The following LIFR variants were observed in gnomAD, a reference collection of about 807,000 sequenced individuals.
LIFR encodes the protein LIF receptor subunit alpha.
In LIFR, 84 loss-of-function variants were observed where a neutral mutation model predicts 122.2. The observed-to-expected ratio is 0.69, with a 90% CI of 0.58 to 0.82. The LOEUF (loss-of-function observed/expected upper bound fraction) is 0.82, where lower values mean the gene tolerates loss of function less well. LIFR is among the 40% of genes least tolerant of loss of function. The probability of loss-of-function intolerance (pLI) is 0.00; values close to 1 mark genes in which losing one functional copy is unlikely to be tolerated. For synonymous variants in LIFR, 422 were observed against 434.7 expected, an observed-to-expected ratio of 0.97 and a Z score of 0.36; for missense variants, 1,294 against 1,311.6, an observed-to-expected ratio of 0.99 and a Z score of 0.21.
At chr5:38,510,427 GT>G (rs770500866) in intron 7 of LIFR, 36 bp downstream of exon 7, 36 of 1,601,372 alleles carry the variant, frequency 2.2e-5, no homozygotes, top group Non-Finnish European at 3.0e-5. Context: ...ACCAAAACAG[GT>G]TAATAGGAAT....
chr5:38,485,732 CG>C, intron 17 of LIFR, 86 bp downstream of exon 17: 1 of 1,441,440 alleles, frequency 6.9e-7, no homozygotes, highest in Non-Finnish European at 9.8e-7. Context: ...TTAGAAAGGG[CG>C]GGGAGGGGTT....
intron 3 of LIFR, among the ~76,000 whole-genome samples, chr5:38,528,029 T>G (rs1328435346): frequency 6.6e-6 from 1 of 152,206 alleles, no homozygotes; most frequent in African/African-American, 2.4e-5. Context: ...CATCTCCTTC[T>G]AAACCTCTCA....
rs1479527676 is a variant in LIFR, at chr5:38,479,334, G to A, written c.*2261C>T. The A allele has an allele frequency of 8.7e-6, 2 of 231,048 alleles. No individual in the cohort carries two copies. Among genetic ancestry groups the A allele is most frequent in the Non-Finnish European group, 1.7e-5 (2 of 116,844 alleles). 14.3% of individuals were successfully genotyped at this position (231,048 alleles called of 1,614,324 possible). A position where few individuals can be genotyped will look rare whatever the true frequency, so the allele number is the denominator to read the frequency against. On this transcript the variant is annotated 3_prime_UTR_variant, in exon 20 of 20. Transcript: ENST00000453190. Reference sequence around the variant, plus strand: ...TGATCCTCGTGTAGGGGATCCAAAAGTAGGGGAAAGGTGAGTGATATTCTG... The same window carrying A: ...TGATCCTCGTGTAGGGGATCCAAAAATAGGGGAAAGGTGAGTGATATTCTG...
chr5:38,481,754 A>G lies in LIFR; in HGVS notation c.3135T>C (p.Pro1045=), dbSNP rs756805690. ...NTWNLVSPDS[P]RSIDSNSEIV... Reference sequence around the variant, plus strand: ...TCTCACTGTTGCTGTCTATGGATCTAGGAGAGTCTGGAGACACTAAATTCC... The same window carrying G: ...TCTCACTGTTGCTGTCTATGGATCTGGGAGAGTCTGGAGACACTAAATTCC... Residue 1045 remains proline (P), a synonymous_variant, in exon 20 of 20, where the codon CCT becomes CCC. Coordinates refer to ENST00000453190, the MANE Select transcript of LIFR (RefSeq NM_001127671.2). 1.2e-6 allele frequency: 2 copies of G among 1,614,140 alleles called. No homozygotes were observed. Among genetic ancestry groups the G allele is most frequent in the East Asian group, 2.2e-5 (1 of 44,882 alleles).
intron 1 of LIFR, among the ~76,000 whole-genome samples, chr5:38,586,405 C>CATA (rs1195399925): frequency 6.6e-6 from 1 of 152,206 alleles, no homozygotes; most frequent in Non-Finnish European, 1.5e-5. Context: ...AAGTCTGTTA[C>CATA]ACCAAGCTGT....
chr5:38,492,435 T>C (rs1404968828), intron 14 of LIFR, among the ~76,000 whole-genome samples: 3 of 152,102 alleles, frequency 2.0e-5, no homozygotes, highest in Non-Finnish European at 4.4e-5. Flanking sequence ...TGGAATCGTG[T>C]AAGGCTCATT....
In LIFR at chr5:38,549,530, C is replaced by T. The variant is rs548848195; in HGVS notation, c.-20+6804G>A. 5.9e-5 allele frequency among the ~76,000 whole-genome samples: 9 copies of T among 152,298 alleles called. No individual in the cohort carries two copies. In the East Asian group the frequency reaches 1.4e-3, roughly 23 times the overall value. On this transcript the variant is annotated intron_variant, in intron 1 of 19. Coordinates refer to ENST00000453190, the MANE Select transcript of LIFR (RefSeq NM_001127671.2). Reference sequence around the variant, plus strand: ...CTTACAGGCTGGTTACAGTGGCTAACGCCTGTAATCCCAGCACTTTGGGAG... The same window carrying T: ...CTTACAGGCTGGTTACAGTGGCTAATGCCTGTAATCCCAGCACTTTGGGAG...
chr5:38,535,091 A>G (rs1488944334), intron 1 of LIFR, among the ~76,000 whole-genome samples: 1 of 152,196 alleles, frequency 6.6e-6, no homozygotes, highest in African/African-American at 2.4e-5. Context: ...TACAAAACAA[A>G]AAAGAACAAG....
upstream of LIFR, chr5:38,556,725 C>A (rs1390214880): frequency 1.1e-4 from 15 of 142,810 alleles, no homozygotes; most frequent in African/African-American, 2.5e-4. Context: ...CCCGCCCCTG[C>A]CCCCGGCCCC....
At chr5:38,526,204 A>G (rs1050475350) in intron 4 of LIFR, among the ~76,000 whole-genome samples, 9 of 152,060 alleles carry the variant, frequency 5.9e-5, no homozygotes, top group Admixed American at 5.9e-4. Context: ...AATCTTTTTT[A>G]TTTTCTTCTA....
intron 16 of LIFR, among the ~76,000 whole-genome samples, chr5:38,488,805 C>CT (rs1580008449): frequency 1.3e-5 from 2 of 152,100 alleles, no homozygotes; most frequent in East Asian, 3.8e-4. Flanking sequence ...ATGTACAGCT[C>CT]TAATAAGAGA....
At chr5:38,545,871 G>GAAAAAAAAAAAA (rs371497950) in intron 1 of LIFR, among the ~76,000 whole-genome samples, 1 of 87,746 alleles carries the variant, frequency 1.1e-5, no homozygotes, top group African/African-American at 4.1e-5. Context: ...CAAAAAAAAA[G>GAAAAAAAAAAAA]AAAAAAAAAA....
chr5:38,554,299 A>C (rs1748398203), intron 1 of LIFR, among the ~76,000 whole-genome samples: 2 of 152,134 alleles, frequency 1.3e-5, no homozygotes, highest in African/African-American at 4.8e-5. Context: ...ATTACTGTGA[A>C]GTTATATAGA....
intron 1 of LIFR, among the ~76,000 whole-genome samples, chr5:38,564,956 G>A (rs1385550850): frequency 1.3e-5 from 2 of 151,822 alleles, no homozygotes; most frequent in Non-Finnish European, 2.9e-5. Flanking sequence ...TGTATTTTTA[G>A]TAGAGACAGG....
In LIFR at chr5:38,482,079, G is replaced by C; in HGVS notation, c.2810C>G (p.Ser937Cys). ...CACATGGTTTTCAGGCTCTGCATCAGAGCGATCTTCAGGACGCTCAGCTAC... is the reference window on the plus strand; with the variant it reads ...CACATGGTTTTCAGGCTCTGCATCACAGCGATCTTCAGGACGCTCAGCTAC... ...SPVAERPEDR[S>C]DAEPENHVVV... Residue 937 changes from serine to cysteine, a missense_variant, in exon 20 of 20, where the codon TCT becomes TGT. Transcript: ENST00000453190. The C allele has an allele frequency of 2.5e-6, 4 of 1,602,734 alleles. No homozygotes were observed. The highest frequency in any genetic ancestry group is 2.6e-6 in the Non-Finnish European group (3 of 1,174,718).
chr5:38,594,846 C>T (rs1271215957), intron 1 of LIFR: 1 of 195,864 alleles, frequency 5.1e-6, no homozygotes, highest in Non-Finnish European at 1.1e-5. Context: ...TAGGTTTCCA[C>T]AGAGCAGCTT....
chr5:38,483,487 T>TGGTG (rs1269910809), intron 18 of LIFR, among the ~76,000 whole-genome samples: 3 of 152,114 alleles, frequency 2.0e-5, no homozygotes, highest in African/African-American at 7.2e-5. Context: ...AGTGGTGCAA[T>TGGTG]CTTGACTCAC....
At chr5:38,508,129 CAG>C (rs1352591863) in intron 7 of LIFR, among the ~76,000 whole-genome samples, 47 of 151,934 alleles carry the variant, frequency 3.1e-4, no homozygotes, top group Non-Finnish European at 1.5e-4. Flanking sequence ...GAAGGACAGA[CAG>C]AAGGGGAAAA....
chr5:38,509,957 T>TA (rs1476426432), intron 7 of LIFR, among the ~76,000 whole-genome samples: 5 of 151,950 alleles, frequency 3.3e-5, no homozygotes, highest in African/African-American at 4.8e-5. Flanking sequence ...AGTGGGAGAG[T>TA]ATGTTTCCCC....
Sources: gnomAD v4.1 joint callset for allele counts (sites outside exome capture counted in the v4.1 genomes callset) on GRCh38, gnomAD v4.1.1 for gene constraint, MANE v1.5 for transcripts, NCBI Gene and HGNC (gene_info 2026-07-23, HGNC 2026-07-21) for gene names.